Variants in PSG6 observed in about 807,000 individuals in gnomAD.
The protein encoded by PSG6 is pregnancy-specific beta-1-glycoprotein 6.
PSG6 carries 51 observed loss-of-function variants against 43.3 expected under a neutral mutation model. The observed-to-expected ratio is 1.18, with a 90% CI of 0.94 to 1.49. PSG6 has a LOEUF of 1.49. PSG6 is among the 40% of genes most tolerant of loss of function. The probability of loss-of-function intolerance (pLI) is 0.00; values close to 1 mark genes in which losing one functional copy is unlikely to be tolerated. For missense variants in PSG6, 770 were observed against 522.2 expected (o/e 1.47, Z -4.62); for synonymous variants, 292 against 197.6 (o/e 1.48, Z -4.01).
chr19:42,907,441 G>T (rs1230109900), intron 4 of PSG6, 135 bp downstream of exon 4: 25 of 1,518,134 alleles, frequency 1.6e-5, no homozygotes, highest in Non-Finnish European at 2.1e-5. Flanking sequence ...TCCCAGGGCA[G>T]GGAGTCATGG....
chr19:42,904,914 G>C (rs1291821171), intron 5 of PSG6, among the ~76,000 whole-genome samples: 14 of 151,668 alleles, frequency 9.2e-5, no homozygotes, highest in African/African-American at 1.2e-4. Flanking sequence ...AATCAATACA[G>C]TGTGGTACTG....
rs533600174 is a variant in PSG6 at position 42,912,064 on chromosome 19, T to A, written c.428-1206A>T. ...AGTGTTTTGGATTTCTAATTTTTTT[T>A]ATTTTGGAATATTTGCAGTATATGT... On this transcript the variant is annotated intron_variant, in intron 2 of 5. Transcript: ENST00000187910. Among the ~76,000 whole-genome samples the A allele has an allele frequency of 1.8e-4, 27 of 151,764 alleles. No homozygotes were observed. The South Asian group carries it at 2.5e-3, about 14-fold the overall frequency.
intron 4 of PSG6, 151 bp from the exon 5 acceptor site, chr19:42,907,327 G>T (rs972012777): frequency 2.0e-6 from 3 of 1,464,548 alleles, no homozygotes; most frequent in Non-Finnish European, 2.7e-6. Context: ...CAAGCCTGAG[G>T]TATTCCCCTG....
intron 2 of PSG6, among the ~76,000 whole-genome samples, chr19:42,912,220 C>T (rs147244293): frequency 5.9e-5 from 9 of 151,454 alleles, no homozygotes; most frequent in African/African-American, 1.2e-4. Flanking sequence ...TCTGGATTTC[C>T]GATGCTCAAT....
In PSG6 at chr19:42,915,609, A is replaced by G. The variant is rs538207729; in HGVS notation, c.427+516T>C. 44 of 169,298 alleles carry G rather than the reference A, an allele frequency of 2.6e-4. 5 individuals carry two copies. The South Asian group carries it at 7.0e-3, about 27-fold the overall frequency. The allele number at this position is 169,298 out of a possible 1,614,324, so 10.5% of individuals were successfully genotyped here. On this transcript the variant is annotated intron_variant, in intron 2 of 5. Transcript: ENST00000187910. ...GCCCTGGCTGGTGAACAGCTCCAGG[A>G]GACACAGTCCTCAGACAGCTGGTAA... is the stretch of plus-strand genomic sequence containing the variant.
chr19:42,903,282 G>A lies in PSG6; in HGVS notation c.1241-836C>T, dbSNP rs181012932. ...TTGCAATTTTCAGGTGAGGAATCAG[G>A]GGTTCAGAGAAGTTGAGTCTTGTGC... On this transcript the variant is annotated intron_variant, in intron 5 of 5. Transcript: ENST00000187910. Among the ~76,000 whole-genome samples, 34 of 151,618 alleles carry A rather than the reference G, an allele frequency of 2.2e-4. 3 individuals are homozygous for A. Among genetic ancestry groups the A allele is most frequent in the South Asian group, 8.4e-4 (4 of 4,762 alleles).
intron 5 of PSG6, among the ~76,000 whole-genome samples, chr19:42,905,767 G>C (rs1191374267): frequency 6.6e-6 from 1 of 151,606 alleles, no homozygotes; most frequent in Non-Finnish European, 1.5e-5. Flanking sequence ...AATACATCGT[G>C]CAAAATGGAT....
At position 42,908,082 on chromosome 19, in the gene PSG6, G is replaced by A; in HGVS notation, c.707-228C>T. 6.5e-6 allele frequency: 5 copies of A among 768,988 alleles called. No individual in the cohort carries two copies. The South Asian group carries it at 9.9e-5, about 15-fold the overall frequency. The allele number at this position is 768,988 out of a possible 1,614,324, so 47.6% of individuals were successfully genotyped here. On this transcript the variant is annotated intron_variant, in intron 3 of 5. Transcript: ENST00000187910. ...GACTTTCTCAAGTGTCAATTGAGCA[G>A]CAGTGTTGGGTCATGGACAGACACG...
In PSG6 at chr19:42,902,368, G is replaced by T. The variant is rs757655306; in HGVS notation, c.*44C>A. 57 of 1,602,804 alleles carry T rather than the reference G, an allele frequency of 3.6e-5. No homozygotes were observed. Among genetic ancestry groups the T allele is most frequent in the Non-Finnish European group, 4.3e-5 (50 of 1,172,544 alleles). On this transcript the variant is annotated 3_prime_UTR_variant, in exon 6 of 6. Transcript: ENST00000187910. ...CTTCTTTGTCTTGAATTTCATGAAG[G>T]TATCAACCTGTTCTTTTTCTCAGTG...
At chr19:42,911,038 C>G (rs1229569025) in intron 2 of PSG6, among the ~76,000 whole-genome samples, 180 bp from the exon 3 acceptor site, 2 of 151,526 alleles carry the variant, frequency 1.3e-5, no homozygotes, top group Admixed American at 1.3e-4. Context: ...GATTGTGAGG[C>G]TGCCTGCTTT....
intron 1 of PSG6, among the ~76,000 whole-genome samples, chr19:42,917,001 T>C (rs1458409193): frequency 6.6e-6 from 1 of 151,486 alleles, no homozygotes; most frequent in African/African-American, 2.4e-5. Flanking sequence ...TCATGTTGGT[T>C]GCACCCCAGT....
chr19:42,909,037 T>A (rs946618881), intron 3 of PSG6, among the ~76,000 whole-genome samples: 1 of 151,530 alleles, frequency 6.6e-6, no homozygotes, highest in African/African-American at 2.4e-5. Flanking sequence ...GGACAAAAAG[T>A]GTTTTGGATT....
rs1383066044 is a variant in PSG6 at position 42,907,031 on chromosome 19, C to A, written c.1131G>T (p.Lys377Asn). Residue 377 changes from lysine to asparagine, a missense_variant, in exon 5 of 6, where the codon AAG becomes AAT. Coordinates refer to ENST00000187910, the MANE Select transcript of PSG6 (RefSeq NM_001031850.4). ...TTGTAGTAATTTGGGGGATAAAGAG[C>A]TTTTGTCCTGATAGCTGAAACTTCC... ...INGKFQLSGQ[K>N]LFIPQITTNH... The A allele has an allele frequency of 6.8e-6, 11 of 1,612,440 alleles. No individual in the cohort carries two copies. Among genetic ancestry groups the A allele is most frequent in the Non-Finnish European group, 9.3e-6 (11 of 1,179,208 alleles).
chr19:42,908,607 C>T (rs1460816142), intron 3 of PSG6, among the ~76,000 whole-genome samples: 2 of 151,740 alleles, frequency 1.3e-5, no homozygotes, highest in Non-Finnish European at 2.9e-5. Flanking sequence ...GTTTCCTCTC[C>T]TTCTGCAGAG....
Position 42,907,605 on chromosome 19 carries a change from C to A in PSG6, c.956G>T (p.Arg319Leu), listed in dbSNP as rs148457672. Residue 319 changes from arginine (R) to leucine (L), a missense_variant, in exon 4 of 6, where the codon CGC (arginine) becomes CTC (leucine). By Grantham distance (102) the Arg-to-Leu change is moderately radical. Transcript: ENST00000187910. Reference sequence around the variant, plus strand: ...GACATTCAGGGTGACTGGGTTACTGCGGATGCCACCATATCGGTCCCGTAT... The same window carrying A: ...GACATTCAGGGTGACTGGGTTACTGAGGATGCCACCATATCGGTCCCGTAT... ...CEIRDRYGGI[R>L]SNPVTLNVLY... 99 of 1,612,006 alleles carry A rather than the reference C, an allele frequency of 6.1e-5. 2 individuals are homozygous for A. The highest frequency in any genetic ancestry group is 7.5e-5 in the Non-Finnish European group (89 of 1,179,116).
At chr19:42,916,619 C>T (rs1972340781) in intron 1 of PSG6, 132 bp from the exon 2 acceptor site, 1 of 1,342,740 alleles carries the variant, frequency 7.4e-7, no homozygotes, top group South Asian at 1.4e-5. Context: ...TACAAACACA[C>T]ACACACAAAA....
chr19:42,907,672 G>T lies in PSG6; in HGVS notation c.889C>A (p.Pro297Thr). Residue 297 changes from proline (P) to threonine (T), a missense_variant, in exon 4 of 6, where the codon CCC becomes ACC. Physicochemically the swap from Pro to Thr is conservative, Grantham distance 38 (BLOSUM62 -1). Coordinates refer to ENST00000187910, the MANE Select transcript of PSG6 (RefSeq NM_001031850.4). ...RPIENRILIL[P>T]SVTRNETGPY... ...CCTGTTTCATTTCTCGTGACACTGGGTAGAATGAGTATCCTGTTTTCAATG... is the reference window on the plus strand; with the variant it reads ...CCTGTTTCATTTCTCGTGACACTGGTTAGAATGAGTATCCTGTTTTCAATG... 1.2e-6 allele frequency: 2 copies of T among 1,611,074 alleles called. No individual in the cohort carries two copies. Among genetic ancestry groups the T allele is most frequent in the East Asian group, 4.5e-5 (2 of 44,800 alleles).
chr19:42,910,274 T>C (rs971417715), intron 3 of PSG6: 42 of 617,514 alleles, frequency 6.8e-5, no homozygotes, highest in Admixed American at 1.9e-4. Context: ...TGAGCCAAGT[T>C]GCAACACTGA....
chr19:42,912,629 T>A (rs1972248930), intron 2 of PSG6, among the ~76,000 whole-genome samples: 1 of 151,848 alleles, frequency 6.6e-6, no homozygotes, highest in South Asian at 2.1e-4. Context: ...CTGCTTCTAA[T>A]TTCTGTGCAG....
Sources: allele counts gnomAD v4.1 joint callset (sites outside exome capture counted in the v4.1 genomes callset), GRCh38; gene constraint gnomAD v4.1.1; transcripts MANE v1.5; gene names NCBI Gene and HGNC (gene_info 2026-07-23, HGNC 2026-07-21).